The following SLIT3 variants were observed in gnomAD, a reference collection of about 807,000 sequenced individuals.
The protein encoded by SLIT3 is slit homolog 3 protein.
A neutral mutation model predicts 184.0 loss-of-function variants in SLIT3; 68 were observed. The observed-to-expected ratio is 0.37, with a 90% CI of 0.30 to 0.45. The LOEUF (loss-of-function observed/expected upper bound fraction) is 0.45, where lower values mean the gene tolerates loss of function less well. Ranked by LOEUF, SLIT3 falls within the 20% of genes least tolerant of loss-of-function variation. The pLI, the probability that SLIT3 is intolerant of heterozygous loss-of-function variation, is 1.00. For synonymous variants in SLIT3, 831 were observed against 828.6 expected, an observed-to-expected ratio of 1.00 and a Z score of -0.05; for missense variants, 1,707 against 2,026.0, an observed-to-expected ratio of 0.84 and a Z score of 3.02.
intron 14 of SLIT3, among the ~76,000 whole-genome samples, chr5:168,767,042 A>G (rs1291629913): frequency 2.0e-5 from 3 of 152,226 alleles, no homozygotes; most frequent in African/African-American, 4.8e-5. Flanking sequence ...TAAGTTAGCT[A>G]ACCTCTCTGA....
intron 4 of SLIT3, among the ~76,000 whole-genome samples, chr5:169,102,280 A>C (rs767388589): frequency 2.0e-5 from 3 of 152,222 alleles, no homozygotes; most frequent in Non-Finnish European, 2.9e-5. Flanking sequence ...CACTGCAGCC[A>C]AATCTCCTGA....
intron 14 of SLIT3, among the ~76,000 whole-genome samples, chr5:168,764,984 C>T (rs1262344203): frequency 6.6e-6 from 1 of 152,156 alleles, no homozygotes; most frequent in Non-Finnish European, 1.5e-5. Flanking sequence ...GTTCTCCGCA[C>T]CAGTGGATCC....
At chr5:169,045,183 G>T (rs909159944) in intron 4 of SLIT3, among the ~76,000 whole-genome samples, 1 of 152,156 alleles carries the variant, frequency 6.6e-6, no homozygotes, top group Non-Finnish European at 1.5e-5. Flanking sequence ...GCCCTGCTAT[G>T]TGAAGCAGAC....
In SLIT3 at chr5:169,150,503, T is replaced by G. The variant is rs1762078522; in HGVS notation, c.413+42976A>C. On this transcript the variant is annotated intron_variant, in intron 4 of 35. Transcript: ENST00000519560. Reference sequence around the variant, plus strand: ...CGAGGAACAATTTCCCATCCCATTCTATTTCACTCACATACACACACACAC... The same window carrying G: ...CGAGGAACAATTTCCCATCCCATTCGATTTCACTCACATACACACACACAC... Among the ~76,000 whole-genome samples, 5 of 146,550 alleles carry G rather than the reference T, an allele frequency of 3.4e-5. 1 individual carries two copies. In the South Asian group the frequency reaches 1.1e-3, roughly 31 times the overall value.
chr5:168,775,333 G>A (rs75505610), intron 12 of SLIT3, among the ~76,000 whole-genome samples: 1,710 of 152,150 alleles, frequency 0.011, 17 homozygotes, highest in African/African-American at 0.018. Context: ...CACCACGCCC[G>A]GCCTACCACT....
intron 1 of SLIT3, among the ~76,000 whole-genome samples, chr5:169,283,772 C>A (rs779946388): frequency 6.6e-6 from 1 of 152,142 alleles, no homozygotes; most frequent in Admixed American, 6.5e-5. Flanking sequence ...AATATGCCAC[C>A]GGAGAAGTGG....
chr5:169,240,865 A>T, intron 3 of SLIT3, among the ~76,000 whole-genome samples: 1 of 146,378 alleles, frequency 6.8e-6, no homozygotes, highest in Non-Finnish European at 1.5e-5. Context: ...TGAGACTATC[A>T]TAATTTTTTG....
intron 4 of SLIT3, among the ~76,000 whole-genome samples, chr5:169,044,885 G>A (rs1757575048): frequency 6.6e-6 from 1 of 152,202 alleles, no homozygotes; most frequent in South Asian, 2.1e-4. Flanking sequence ...GAGAAGGATA[G>A]TGCTTATTGC....
At chr5:169,140,519 G>A (rs911770027) in intron 4 of SLIT3, among the ~76,000 whole-genome samples, 5 of 148,786 alleles carry the variant, frequency 3.4e-5, no homozygotes, top group Non-Finnish European at 5.9e-5. Flanking sequence ...AGACGCAGGC[G>A]GTCAGGCACG....
intron 4 of SLIT3, among the ~76,000 whole-genome samples, chr5:169,145,829 C>A (rs114173546): frequency 0.018 from 2,780 of 152,308 alleles, 90 homozygotes; most frequent in African/African-American, 0.064. Context: ...GGACAGATTG[C>A]CTGAGGTCAG....
chr5:169,086,841 T>C (rs934572362), intron 4 of SLIT3, among the ~76,000 whole-genome samples: 2 of 152,216 alleles, frequency 1.3e-5, no homozygotes, highest in Non-Finnish European at 2.9e-5. Context: ...CTGGTATAAT[T>C]AACTTGGCCT....
At chr5:169,264,341 G>A (rs1240255105) in intron 1 of SLIT3, among the ~76,000 whole-genome samples, 2 of 152,106 alleles carry the variant, frequency 1.3e-5, no homozygotes, top group Non-Finnish European at 2.9e-5. Context: ...TTACATGCAT[G>A]TACCACCATG....
At chr5:168,972,078 G>C (rs889750062) in intron 4 of SLIT3, among the ~76,000 whole-genome samples, 1 of 152,188 alleles carries the variant, frequency 6.6e-6, no homozygotes, top group Non-Finnish European at 1.5e-5. Flanking sequence ...AGGTCCCTCT[G>C]GGGAGGTGAT....
intron 4 of SLIT3, among the ~76,000 whole-genome samples, chr5:169,176,322 G>A (rs1202751205): frequency 6.6e-6 from 1 of 152,188 alleles, no homozygotes; most frequent in Non-Finnish European, 1.5e-5. Context: ...AGCCTGACGG[G>A]CAAGGTATGA....
chr5:169,075,030 T>C (rs1758685622), intron 4 of SLIT3, among the ~76,000 whole-genome samples: 1 of 152,208 alleles, frequency 6.6e-6, no homozygotes, highest in Non-Finnish European at 1.5e-5. Context: ...GGAGTAGTTT[T>C]ACAATGCAGG....
intron 12 of SLIT3, among the ~76,000 whole-genome samples, chr5:168,782,291 C>T (rs1336419031): frequency 6.6e-6 from 1 of 152,232 alleles, no homozygotes; most frequent in African/African-American, 2.4e-5. Flanking sequence ...CCTCAAATGA[C>T]TGCCCTCCCG....
intron 2 of SLIT3, among the ~76,000 whole-genome samples, chr5:169,246,271 C>T (rs1750706945): frequency 6.6e-6 from 1 of 152,200 alleles, no homozygotes; most frequent in Non-Finnish European, 1.5e-5. Flanking sequence ...CTGCTTCTCA[C>T]ATTTCTATTA....
intron 5 of SLIT3, among the ~76,000 whole-genome samples, chr5:168,872,640 CTTTT>C (rs774066150): frequency 8.9e-5 from 10 of 112,420 alleles, no homozygotes; most frequent in African/African-American, 3.5e-4. Flanking sequence ...TCTTCTTCTT[CTTTT>C]TTTTTTTTTT....
At chr5:169,273,901 T>C (rs1236453710) in intron 1 of SLIT3, among the ~76,000 whole-genome samples, 9 of 152,166 alleles carry the variant, frequency 5.9e-5, no homozygotes, top group Non-Finnish European at 1.0e-4. Context: ...AAACACAATA[T>C]GGTATATAAA....
Sources: allele counts gnomAD v4.1 joint callset (sites outside exome capture counted in the v4.1 genomes callset), GRCh38; gene constraint gnomAD v4.1.1; transcripts MANE v1.5; gene names NCBI Gene and HGNC (gene_info 2026-07-23, HGNC 2026-07-21).